The following USH2A variants were observed in gnomAD, a reference collection of about 807,000 sequenced individuals.
The protein encoded by USH2A is usherin, also known as Usher syndrome 2A (autosomal recessive, mild).
In USH2A, 443 loss-of-function variants were observed where a neutral mutation model predicts 538.9. That is an observed-to-expected ratio of 0.82 (90% CI 0.76 to 0.89). The LOEUF (loss-of-function observed/expected upper bound fraction) is 0.89, where lower values mean the gene tolerates loss of function less well. Among genes scored for constraint, USH2A ranks in the 40% least tolerant of loss-of-function variants. The probability of loss-of-function intolerance (pLI) is 0.00; values close to 1 mark genes in which losing one functional copy is unlikely to be tolerated. For synonymous variants in USH2A, 2,413 were observed against 2,273.5 expected, an observed-to-expected ratio of 1.06 and a Z score of -1.75; for missense variants, 6,633 against 6,324.8, an observed-to-expected ratio of 1.05 and a Z score of -1.65.
intron 49 of USH2A, among the ~76,000 whole-genome samples, chr1:215,802,104 A>G (rs573673037): frequency 4.0e-4 from 61 of 152,060 alleles, no homozygotes; most frequent in African/African-American, 1.3e-3. Context: ...ACTTTATACC[A>G]TATACCAAAA....
chr1:215,986,222 C>T (rs543355272), intron 35 of USH2A, among the ~76,000 whole-genome samples: 1 of 151,892 alleles, frequency 6.6e-6, no homozygotes, highest in African/African-American at 2.4e-5. Context: ...CACGTTCAAG[C>T]GATTCTCATG....
chr1:215,916,285 T>A (rs1382603132), intron 38 of USH2A, among the ~76,000 whole-genome samples: 8 of 151,872 alleles, frequency 5.3e-5, no homozygotes, highest in Non-Finnish European at 1.0e-4. Context: ...TTGTCACTAG[T>A]GTAGTAGAAG....
At chr1:216,152,935 G>A (rs891469881) in intron 21 of USH2A, among the ~76,000 whole-genome samples, 1 of 152,186 alleles carries the variant, frequency 6.6e-6, no homozygotes, top group Admixed American at 6.5e-5. Flanking sequence ...AGAGGAACAG[G>A]AGAATAGCAG....
intron 21 of USH2A, among the ~76,000 whole-genome samples, chr1:216,104,458 G>T (rs1157453986): frequency 2.0e-5 from 3 of 152,072 alleles, no homozygotes; most frequent in Non-Finnish European, 2.9e-5. Context: ...TCTTAATCCA[G>T]TCTGTCATTG....
intron 3 of USH2A, among the ~76,000 whole-genome samples, chr1:216,409,731 A>G (rs2039453755): frequency 6.6e-6 from 1 of 152,182 alleles, no homozygotes; most frequent in African/African-American, 2.4e-5. Flanking sequence ...AATCAACTCA[A>G]GTTGGAATAA....
chr1:215,829,203 A>T (rs1005174355), intron 47 of USH2A, among the ~76,000 whole-genome samples: 1 of 152,234 alleles, frequency 6.6e-6, no homozygotes. Flanking sequence ...GCAGCAGCTT[A>T]TAAAACTAGA....
chr1:215,799,429 G>A (rs531383828), intron 49 of USH2A, among the ~76,000 whole-genome samples: 22 of 152,064 alleles, frequency 1.4e-4, no homozygotes, highest in Non-Finnish European at 3.1e-4. Flanking sequence ...ATACTTTTTT[G>A]TTCTGTGTAA....
chr1:216,000,530 G>A lies in USH2A; in HGVS notation c.6358C>T (p.Leu2120=). The change falls in exon 33 of 72, where the codon CTA becomes TTA. Residue 2120 remains leucine, a synonymous_variant. Transcript: ENST00000307340. ...CAGCCCACATGTGTGCATGCACTTA[G>A]TAGAAACTGGTGGGGTGTAAATACT... ...LAVFTPHQFL[L]SACTHVGCTN... The A allele has an allele frequency of 6.2e-7, 1 of 1,613,596 alleles. No individual in the cohort carries two copies. Among genetic ancestry groups the A allele is most frequent in the East Asian group, 2.2e-5 (1 of 44,850 alleles).
Position 216,422,382 on chromosome 1 carries a change from A to T in USH2A, c.-46T>A. 4 of 1,612,382 alleles carry T rather than the reference A, an allele frequency of 2.5e-6. No homozygotes were observed. Among genetic ancestry groups the T allele is most frequent in the Non-Finnish European group, 3.4e-6 (4 of 1,179,480 alleles). On this transcript the variant is annotated 5_prime_UTR_variant, in exon 2 of 72. Coordinates refer to ENST00000307340, the MANE Select transcript of USH2A (RefSeq NM_206933.4). ...CTCCTGATAAAGCATTTCTAAATAA[A>T]TAATCAGGCCCACGCCACTTGCCAG...
intron 11 of USH2A, among the ~76,000 whole-genome samples, chr1:216,265,859 A>G (rs1433166624): frequency 2.6e-5 from 4 of 152,024 alleles, no homozygotes; most frequent in Non-Finnish European, 1.5e-5. Flanking sequence ...GATCTCATGA[A>G]AGTAGAAGGT....
At chr1:216,010,565 T>C (rs1668535767) in intron 32 of USH2A, among the ~76,000 whole-genome samples, 1 of 151,862 alleles carries the variant, frequency 6.6e-6, no homozygotes, top group East Asian at 1.9e-4. Context: ...CATCCCCTTC[T>C]TAATCAATAC....
At chr1:215,972,802 G>A (rs1026851253) in intron 35 of USH2A, among the ~76,000 whole-genome samples, 1 of 152,088 alleles carries the variant, frequency 6.6e-6, no homozygotes, top group African/African-American at 2.4e-5. Flanking sequence ...ACAAAAAGAT[G>A]TGGCTGCCAG....
intron 38 of USH2A, among the ~76,000 whole-genome samples, chr1:215,920,722 C>A (rs1666077590): frequency 6.6e-6 from 1 of 152,064 alleles, no homozygotes; most frequent in Non-Finnish European, 1.5e-5. Flanking sequence ...TTTTGATAGA[C>A]ACTGTGCTTT....
intron 38 of USH2A, among the ~76,000 whole-genome samples, chr1:215,921,327 C>T (rs980197812): frequency 1.3e-5 from 2 of 152,016 alleles, no homozygotes; most frequent in East Asian, 1.9e-4. Context: ...ACACAGGGTA[C>T]GTACCACATA....
intron 15 of USH2A, among the ~76,000 whole-genome samples, chr1:216,208,858 A>G (rs996238014): frequency 5.0e-4 from 76 of 152,186 alleles, no homozygotes; most frequent in African/African-American, 1.8e-3. Flanking sequence ...CATTATGAAA[A>G]TATGTGTGAT....
chr1:215,826,094 T>C lies in USH2A; in HGVS notation c.9372-8899A>G, dbSNP rs1663144658. 8.5e-5 allele frequency among the ~76,000 whole-genome samples: 13 copies of C among 152,190 alleles called. No homozygotes were observed. In the South Asian group the frequency reaches 2.7e-3, roughly 31 times the overall value. On this transcript the variant is annotated intron_variant, in intron 47 of 71. Transcript: ENST00000307340. ...CAGTTCTGCAATGAAAGGTTAAGCC[T>C]AGAATACCACAATATTGATCTATAG...
chr1:216,204,112 T>A (rs2035059737), intron 16 of USH2A: 1 of 154,228 alleles, frequency 6.5e-6, no homozygotes, highest in Non-Finnish European at 1.5e-5. Context: ...CTACTATGTC[T>A]AGTGCTCCTT....
chr1:215,960,981 C>G (rs1667184528), intron 37 of USH2A, among the ~76,000 whole-genome samples: 1 of 152,004 alleles, frequency 6.6e-6, no homozygotes, highest in Admixed American at 6.6e-5. Context: ...GACAGAGATT[C>G]TTCAGGTCCA....
intron 30 of USH2A, among the ~76,000 whole-genome samples, chr1:216,053,659 A>G (rs905744668): frequency 2.0e-5 from 3 of 152,120 alleles, no homozygotes; most frequent in Admixed American, 2.0e-4. Flanking sequence ...ATGTCTTAAA[A>G]GTGTTAGTAT....
Sources: allele counts gnomAD v4.1 joint callset (sites outside exome capture counted in the v4.1 genomes callset), GRCh38; gene constraint gnomAD v4.1.1; transcripts MANE v1.5; gene names NCBI Gene and HGNC (gene_info 2026-07-23, HGNC 2026-07-21).